GALNTL6: variants seen among roughly 807,000 people sequenced by gnomAD.
GALNTL6 encodes the protein polypeptide N-acetylgalactosaminyltransferase-like 6.
GALNTL6 carries 46 observed loss-of-function variants against 73.7 expected under a neutral mutation model. That is an observed-to-expected ratio of 0.62 (90% CI 0.49 to 0.80). GALNTL6 has a LOEUF of 0.80. Among genes scored for constraint, GALNTL6 ranks in the 30% least tolerant of loss-of-function variants. GALNTL6 has a pLI of 0.00. For missense variants in GALNTL6, 604 were observed against 755.0 expected, an observed-to-expected ratio of 0.80 and a Z score of 2.34; for synonymous variants, 259 against 263.7, an observed-to-expected ratio of 0.98 and a Z score of 0.17.
intron 3 of GALNTL6, among the ~76,000 whole-genome samples, chr4:172,290,879 C>T (rs962583575): frequency 6.6e-6 from 1 of 150,616 alleles, no homozygotes; most frequent in Non-Finnish European, 1.5e-5. Context: ...ATTAAGAAAA[C>T]CCACATAAAA....
intron 5 of GALNTL6, among the ~76,000 whole-genome samples, chr4:172,386,460 C>T (rs1743475785): frequency 6.6e-6 from 1 of 152,010 alleles, no homozygotes; most frequent in Non-Finnish European, 1.5e-5. Flanking sequence ...TATAATCATT[C>T]TGCAGAGAGA....
At chr4:172,634,569 G>A (rs969238767) in intron 5 of GALNTL6, among the ~76,000 whole-genome samples, 1 of 151,986 alleles carries the variant, frequency 6.6e-6, no homozygotes, top group Non-Finnish European at 1.5e-5. Context: ...TCTCTGACAT[G>A]CAAGAATGAA....
intron 2 of GALNTL6, among the ~76,000 whole-genome samples, chr4:172,049,987 A>C (rs1730796235): frequency 1.1e-5 from 1 of 90,782 alleles, no homozygotes; most frequent in African/African-American, 4.0e-5. Flanking sequence ...TCTGTCTAAA[A>C]AGAAAAAGAA....
intron 8 of GALNTL6, among the ~76,000 whole-genome samples, chr4:172,901,298 C>T (rs1746615256): frequency 6.6e-6 from 1 of 152,012 alleles, no homozygotes; most frequent in Non-Finnish European, 1.5e-5. Flanking sequence ...TGCAGTGAGA[C>T]AAGAAGAATT....
At chr4:172,713,216 A>C (rs1057399177) in intron 5 of GALNTL6, among the ~76,000 whole-genome samples, 60 of 138,148 alleles carry the variant, frequency 4.3e-4, no homozygotes, top group Non-Finnish European at 7.9e-5. Flanking sequence ...ACAACAAAAG[A>C]ATAAGATGTG....
At chr4:172,608,285 T>C (rs1001951078) in intron 5 of GALNTL6, among the ~76,000 whole-genome samples, 3 of 152,126 alleles carry the variant, frequency 2.0e-5, no homozygotes, top group Non-Finnish European at 2.9e-5. Context: ...TAGGTCACTA[T>C]GCACCTTGAG....
chr4:172,737,966 C>T (rs893801580), intron 5 of GALNTL6, among the ~76,000 whole-genome samples: 1 of 152,128 alleles, frequency 6.6e-6, no homozygotes, highest in African/African-American at 2.4e-5. Flanking sequence ...GAACATACCT[C>T]CTATAGCTGC....
chr4:172,823,917 A>G (rs1010730166), intron 7 of GALNTL6, among the ~76,000 whole-genome samples: 1 of 152,156 alleles, frequency 6.6e-6, no homozygotes, highest in Non-Finnish European at 1.5e-5. Flanking sequence ...AAATAACAAG[A>G]TGCTATGAGC....
chr4:172,911,274 G>A (rs1220805269), intron 8 of GALNTL6, among the ~76,000 whole-genome samples: 2 of 152,112 alleles, frequency 1.3e-5, no homozygotes, highest in Non-Finnish European at 2.9e-5. Context: ...TTGTACACAT[G>A]GTTTTGTTAG....
intron 5 of GALNTL6, among the ~76,000 whole-genome samples, chr4:172,805,490 T>C (rs143032510): frequency 3.3e-5 from 5 of 152,308 alleles, no homozygotes; most frequent in African/African-American, 1.2e-4. Context: ...GTATTCATTT[T>C]TCCATATCAT....
intron 2 of GALNTL6, among the ~76,000 whole-genome samples, chr4:172,182,471 C>CTT (rs201315332): frequency 3.5e-5 from 5 of 142,638 alleles, no homozygotes; most frequent in African/African-American, 1.0e-4. Flanking sequence ...CAGATATCTT[C>CTT]TTTTTTTTTG....
At chr4:172,561,032 T>C (rs1422328071) in intron 5 of GALNTL6, among the ~76,000 whole-genome samples, 1 of 151,876 alleles carries the variant, frequency 6.6e-6, no homozygotes, top group East Asian at 1.9e-4. Flanking sequence ...GGCGGGTGGA[T>C]CATGAGGTCA....
At chr4:172,676,122 G>C (rs1560873223) in intron 5 of GALNTL6, among the ~76,000 whole-genome samples, 1 of 152,176 alleles carries the variant, frequency 6.6e-6, no homozygotes. Context: ...CTAAAAATAT[G>C]TCATGGTCTG....
chr4:172,535,707 T>C (rs147800139), intron 5 of GALNTL6, among the ~76,000 whole-genome samples: 74 of 152,284 alleles, frequency 4.9e-4, no homozygotes, highest in African/African-American at 1.5e-3. Context: ...TAGATTATGA[T>C]AGACCATAAT....
At chr4:171,958,476 A>G (rs552538984) in intron 2 of GALNTL6, among the ~76,000 whole-genome samples, 88 of 152,276 alleles carry the variant, frequency 5.8e-4, no homozygotes, top group African/African-American at 2.1e-3. Flanking sequence ...TATATTTTAA[A>G]AATTAGGAAA....
intron 5 of GALNTL6, among the ~76,000 whole-genome samples, chr4:172,378,692 A>G (rs2111275987): frequency 6.6e-6 from 1 of 152,238 alleles, no homozygotes; most frequent in South Asian, 2.1e-4. Context: ...AATGCTGAGT[A>G]ATATCATAAA....
chr4:172,891,227 A>G (rs796198505), intron 8 of GALNTL6, among the ~76,000 whole-genome samples: 42 of 151,480 alleles, frequency 2.8e-4, no homozygotes, highest in African/African-American at 8.0e-4. Flanking sequence ...TGGTTGTTTC[A>G]TGGTCTCAAT....
intron 3 of GALNTL6, among the ~76,000 whole-genome samples, chr4:172,271,974 A>C (rs1579320005): frequency 6.6e-6 from 1 of 151,782 alleles, no homozygotes; most frequent in Middle Eastern, 3.4e-3. Context: ...TTTTTATGAG[A>C]TGGAGTCTCA....
At chr4:172,993,097 T>TCC (rs931062979) in intron 10 of GALNTL6, among the ~76,000 whole-genome samples, 1 of 152,166 alleles carries the variant, frequency 6.6e-6, no homozygotes, top group Non-Finnish European at 1.5e-5. Flanking sequence ...CTGAATTGTG[T>TCC]CCCCCCAAAA....
Sources: gnomAD v4.1 joint callset for allele counts (sites outside exome capture counted in the v4.1 genomes callset) on GRCh38, gnomAD v4.1.1 for gene constraint, MANE v1.5 for transcripts, NCBI Gene and HGNC (gene_info 2026-07-23, HGNC 2026-07-21) for gene names.